MUC5B: variants seen among roughly 807,000 people sequenced by gnomAD.
MUC5B encodes the protein mucin 5B, oligomeric mucus/gel-forming.
MUC5B carries 116 observed loss-of-function variants against 376.9 expected under a neutral mutation model. The ratio of observed to expected loss-of-function variants is 0.31; its 90% CI spans 0.26 to 0.36. The LOEUF is 0.36. Ranked by LOEUF, MUC5B falls within the 10% of genes least tolerant of loss-of-function variation. The pLI, the probability that MUC5B is intolerant of heterozygous loss-of-function variation, is 1.00. For missense variants in MUC5B, 7,165 were observed against 7,769.9 expected, an observed-to-expected ratio of 0.92 and a Z score of 2.93; for synonymous variants, 3,517 against 3,390.9, an observed-to-expected ratio of 1.04 and a Z score of -1.29.
chr11:1,255,027 G>A lies in MUC5B; in HGVS notation c.15665-14G>A, dbSNP rs754363041. On this transcript the variant is annotated splice_polypyrimidine_tract_variant and intron_variant, in intron 35 of 48. Coordinates refer to ENST00000529681, the MANE Select transcript of MUC5B (RefSeq NM_002458.3). ...CCCCAGATTCCAGCCCCGCGGTGACGCCCCCACTCCCAGGCACCTGCACCA... is the reference window on the plus strand; with the variant it reads ...CCCCAGATTCCAGCCCCGCGGTGACACCCCCACTCCCAGGCACCTGCACCA... The A allele has an allele frequency of 1.0e-5, 16 of 1,574,706 alleles. No homozygotes were observed. Among genetic ancestry groups the A allele is most frequent in the East Asian group, 7.0e-5 (3 of 42,618 alleles).
At chr11:1,225,618 G>T (rs1861862035) in intron 1 of MUC5B, 63 bp from the exon 2 acceptor site, 2 of 1,483,872 alleles carry the variant, frequency 1.3e-6, no homozygotes, top group Non-Finnish European at 1.8e-6. Flanking sequence ...CAGGTCCGTG[G>T]TTGGGTTCGT....
At position 1,252,786 on chromosome 11, in the gene MUC5B, G is replaced by A. The variant is rs759011586; in HGVS notation, c.15046-23G>A. On this transcript the variant is annotated intron_variant, in intron 32 of 48. Coordinates refer to ENST00000529681, the MANE Select transcript of MUC5B (RefSeq NM_002458.3). ...GGTCCCGTGAGCTGGTCCAGGTGAG[G>A]ACGTGCATGTTCCCTGCCCCAGGTG... The A allele has an allele frequency of 3.2e-6, 5 of 1,584,528 alleles. No homozygotes were observed. In the South Asian group the frequency reaches 5.7e-5, roughly 18 times the overall value.
At position 1,245,588 on chromosome 11, in the gene MUC5B, C is replaced by A. The variant is rs535181655; in HGVS notation, c.8708C>A (p.Ala2903Glu). The change falls in exon 31 of 49, where the codon GCG becomes GAG. Residue 2903 changes from alanine (A) to glutamate (E), a missense_variant. Coordinates refer to ENST00000529681, the MANE Select transcript of MUC5B (RefSeq NM_002458.3). Reference sequence around the variant, plus strand: ...TTTGACACCTACTCCAACATCCGTGCGGCCGGAGGGGCCGTCTGTGAGCAG... The same window carrying A: ...TTTGACACCTACTCCAACATCCGTGAGGCCGGAGGGGCCGTCTGTGAGCAG... ...GDFDTYSNIR[A>E]AGGAVCEQPL... 2 of 1,581,758 alleles carry A rather than the reference C, an allele frequency of 1.3e-6. No homozygotes were observed. Among genetic ancestry groups the A allele is most frequent in the South Asian group, 2.2e-5 (2 of 89,076 alleles).
rs1329410510 is a variant in MUC5B, at chr11:1,228,665, C to T, written c.876C>T (p.Cys292=). ...AYLAACAQDL[C]RCPTCPCATF... is the part of the protein sequence containing the mutation. The stretch of plus-strand genomic sequence containing the variant: ...TGGCCGCCTGCGCCCAGGACCTGTG[C>T]CGCTGCCCCACCTGCCCGTGTGCCA... The change falls in exon 8 of 49, where the codon TGC becomes TGT. Residue 292 remains cysteine, a synonymous_variant. Coordinates refer to ENST00000529681, the MANE Select transcript of MUC5B (RefSeq NM_002458.3). 3 of 1,534,382 alleles carry T rather than the reference C, an allele frequency of 2.0e-6. No individual in the cohort carries two copies. The highest frequency in any genetic ancestry group is 3.9e-5 in the Admixed American group (2 of 50,968).
At chr11:1,236,200 C>A (rs1180235707) in intron 23 of MUC5B, among the ~76,000 whole-genome samples, 186 bp from the exon 24 acceptor site, 1 of 152,204 alleles carries the variant, frequency 6.6e-6, no homozygotes, top group African/African-American at 2.4e-5. Context: ...GTTCCCAGCA[C>A]TTCCTGGCCA....
At chr11:1,230,240 G>A in intron 11 of MUC5B, 97 bp downstream of exon 11, 4 of 1,462,262 alleles carry the variant, frequency 2.7e-6, no homozygotes, top group Non-Finnish European at 2.7e-6. Flanking sequence ...TCATAGAGGG[G>A]TGGATGTCCC....
At chr11:1,224,058 G>T (rs920701345) in intron 1 of MUC5B, among the ~76,000 whole-genome samples, 2 of 152,236 alleles carry the variant, frequency 1.3e-5, no homozygotes, top group African/African-American at 4.8e-5. Flanking sequence ...CCTGGGCCCG[G>T]GGGGAGCTGC....
intron 32 of MUC5B, 66 bp from the exon 33 acceptor site, chr11:1,252,743 T>C (rs1590190068): frequency 6.6e-7 from 1 of 1,517,434 alleles, no homozygotes; most frequent in African/African-American, 1.4e-5. Context: ...CCATGAGGGG[T>C]GGGATGAGCC....
At chr11:1,230,693 A>G (rs1468545476) in intron 12 of MUC5B, 93 bp downstream of exon 12, 2 of 1,191,206 alleles carry the variant, frequency 1.7e-6, no homozygotes, top group Admixed American at 2.2e-5. Flanking sequence ...TCCAGCCCCG[A>G]GGCCAGGTCC....
Position 1,234,821 on chromosome 11 carries a change from GGAGA to G in MUC5B, c.2630+147_2630+150del, listed in dbSNP as rs941969352. On this transcript the variant is annotated intron_variant, in intron 21 of 48. Transcript: ENST00000529681. The surrounding 1 kb of genome is among the most constrained non-coding windows in gnomAD (Gnocchi z 6.3). ...GCCAGGGTGAGGTGGGGCCGTGGCA[GGAGA>G]GAGAGTTGCTAGGAAAGCCATGGGC... 1 of 1,151,432 alleles carries G rather than the reference GGAGA, an allele frequency of 8.7e-7. No individual in the cohort carries two copies. Among genetic ancestry groups the G allele is most frequent in the Non-Finnish European group, 1.2e-6 (1 of 838,138 alleles). 71.3% of individuals were successfully genotyped at this position (1,151,432 alleles called of 1,614,324 possible).
Position 1,244,418 on chromosome 11 carries a change from T to C in MUC5B, c.7538T>C (p.Phe2513Ser), listed in dbSNP as rs200620306. 0.028 allele frequency: 43,926 copies of C among 1,584,472 alleles called. 909 individuals are homozygous for C. Among genetic ancestry groups the C allele is most frequent in the Non-Finnish European group, 0.03 (35,214 of 1,159,996 alleles). ...PTVTSSKATPFSSPGTATALP... is the reference protein window; with the variant it reads ...PTVTSSKATPSSSPGTATALP... ...GTCACCAGCTCCAAAGCCACTCCCT[T>C]CTCCAGTCCAGGGACTGCAACCGCC... The change falls in exon 31 of 49, where the codon TTC becomes TCC. Residue 2513 changes from phenylalanine to serine, a missense_variant. By Grantham distance (155) the Phe-to-Ser change is radical. This residue lies in a region of MUC5B where 194 missense variants were observed against 268.5 expected (regional missense o/e 0.72). Coordinates refer to ENST00000529681, the MANE Select transcript of MUC5B (RefSeq NM_002458.3).
At chr11:1,254,461 A>G in intron 34 of MUC5B, 110 bp downstream of exon 34, 1 of 1,460,866 alleles carries the variant, frequency 6.8e-7, no homozygotes. Context: ...CCAGTGCCCA[A>G]GACAGCTCCC....
Position 1,241,909 on chromosome 11 carries a change from C to A in MUC5B, c.5029C>A (p.Pro1677Thr), listed in dbSNP as rs745725340. The A allele has an allele frequency of 1.2e-4, 191 of 1,610,326 alleles. 2 individuals are homozygous for A. The South Asian group carries it at 2.0e-3, about 17-fold the overall frequency. Residue 1677 changes from proline (P) to threonine (T), a missense_variant, in exon 31 of 49, where the codon CCT becomes ACT. By Grantham distance (38) the Pro-to-Thr change is conservative. This residue lies in a region of MUC5B where 897 missense variants were observed against 779.6 expected (regional missense o/e 1.15). Coordinates refer to ENST00000529681, the MANE Select transcript of MUC5B (RefSeq NM_002458.3). ...GTATTGGPTT[P>T]AGSTEPTVPG... ...AGCCACCACGGGAGGCCCCACGACGCCTGCAGGCTCCACAGAACCCACTGT... is the reference window on the plus strand; with the variant it reads ...AGCCACCACGGGAGGCCCCACGACGACTGCAGGCTCCACAGAACCCACTGT...
chr11:1,236,833 AG>A (rs1754205694), intron 24 of MUC5B, 91 bp from the exon 25 acceptor site: 1 of 1,372,580 alleles, frequency 7.3e-7, no homozygotes, highest in South Asian at 1.7e-5. Context: ...CCATCCCCCG[AG>A]GGCTCTGGAG....
chr11:1,244,501 C>G lies in MUC5B; in HGVS notation c.7621C>G (p.Pro2541Ala), dbSNP rs1862392678. Residue 2541 changes from proline to alanine, a missense_variant, in exon 31 of 49, where the codon CCC becomes GCC. Around this residue, in one of 31 missense-constraint regions of MUC5B, gnomAD observed 194 missense variants for 268.5 expected, o/e 0.72. Transcript: ENST00000529681. The part of the protein sequence containing the change: ...TPTATSFTAI[P>A]SSSLGTTWTR... ...CACAGCTACCAGCTTTACAGCCATC[C>G]CCTCCTCCTCCCTGGGCACCACCTG... is the stretch of plus-strand genomic sequence containing the variant. 1 of 1,538,964 alleles carries G rather than the reference C, an allele frequency of 6.5e-7. No individual in the cohort carries two copies. Among genetic ancestry groups the G allele is most frequent in the East Asian group, 2.2e-5 (1 of 44,786 alleles).
In MUC5B at chr11:1,254,197, G is replaced by A. The variant is rs746456700; in HGVS notation, c.15323G>A (p.Arg5108His). Reference protein sequence around the residue: ...TYVLMREIHARFGNLSLYLDN... With the variant: ...TYVLMREIHAHFGNLSLYLDN... ...GTCCTCATGAGAGAGATCCATGCAC[G>A]CTTTGGGAATCTCAGCCTCTACCTG... The change falls in exon 34 of 49, where the codon CGC becomes CAC. Residue 5108 changes from arginine (R) to histidine (H), a missense_variant. Arg to His is a conservative substitution (Grantham distance 29). Coordinates refer to ENST00000529681, the MANE Select transcript of MUC5B (RefSeq NM_002458.3). The A allele has an allele frequency of 5.0e-6, 8 of 1,612,860 alleles. No homozygotes were observed. The Admixed American group carries it at 5.0e-5, about 10-fold the overall frequency.
rs762722223 is a variant in MUC5B at position 1,260,644 on chromosome 11, T to C, written c.16985T>C (p.Ile5662Thr). 1 of 1,612,556 alleles carries C rather than the reference T, an allele frequency of 6.2e-7. No individual in the cohort carries two copies. Among genetic ancestry groups the C allele is most frequent in the Non-Finnish European group, 8.5e-7 (1 of 1,179,758 alleles). ...SCEEDSCQVR[I>T]NTTILWHQGC... ...CTCCCAGACTCCTGTCAAGTCCGCATCAACACGACCATCCTGTGGCACCAG... is the reference window on the plus strand; with the variant it reads ...CTCCCAGACTCCTGTCAAGTCCGCACCAACACGACCATCCTGTGGCACCAG... The change falls in exon 48 of 49, where the codon ATC becomes ACC. Residue 5662 changes from isoleucine (I) to threonine (T), a missense_variant. Physicochemically the swap from Ile to Thr is moderately conservative, Grantham distance 89. This residue lies in a region of MUC5B where 842 missense variants were observed against 1,016.9 expected (regional missense o/e 0.83). Transcript: ENST00000529681.
rs566438953 is a variant in MUC5B, at chr11:1,237,632, C to T, written c.3297+468C>T. Among the ~76,000 whole-genome samples, 24 of 152,278 alleles carry T rather than the reference C, an allele frequency of 1.6e-4. 1 individual carries two copies. The South Asian group carries it at 3.1e-3, about 20-fold the overall frequency. ...TGTCTGTAATCCCAGCACTTTGGGA[C>T]GCTGAGGCAGGTGGATCACCTGAGG... is the stretch of plus-strand genomic sequence containing the variant. On this transcript the variant is annotated intron_variant, in intron 25 of 48. Transcript: ENST00000529681.
rs536395627 is a variant in MUC5B at position 1,247,550 on chromosome 11, G to A, written c.10670G>A (p.Ser3557Asn). ...KTRTSTLLPS[S>N]PTSAPITTVV... The stretch of plus-strand genomic sequence containing the variant: ...CGCACCTCGACCCTGCTGCCCAGCA[G>A]CCCCACATCGGCCCCCATAACCACG... The change falls in exon 31 of 49, where the codon AGC becomes AAC. Residue 3557 changes from serine to asparagine, a missense_variant. By Grantham distance (46) the Ser-to-Asn change is conservative. Coordinates refer to ENST00000529681, the MANE Select transcript of MUC5B (RefSeq NM_002458.3). 38 of 1,610,970 alleles carry A rather than the reference G, an allele frequency of 2.4e-5. No individual in the cohort carries two copies. In the East Asian group the frequency reaches 7.8e-4, roughly 33 times the overall value.
Sources: allele counts gnomAD v4.1 joint callset (sites outside exome capture counted in the v4.1 genomes callset), GRCh38; gene constraint gnomAD v4.1.1; regional missense constraint gnomAD v4.1.1; non-coding constraint Gnocchi (gnomAD v3.1); transcripts MANE v1.5; gene names NCBI Gene and HGNC (gene_info 2026-07-23, HGNC 2026-07-21).